MARCHF10: variants seen among roughly 807,000 people sequenced by gnomAD.
The protein encoded by MARCHF10 is membrane associated ring-CH-type finger 10.
A neutral mutation model predicts 76.2 loss-of-function variants in MARCHF10; 64 were observed. That is an observed-to-expected ratio of 0.84 (90% CI 0.69 to 1.03). MARCHF10 has a LOEUF of 1.03. MARCHF10 is among the 50% of genes least tolerant of loss of function. MARCHF10 has a pLI of 0.00. For missense variants in MARCHF10, 875 were observed against 958.0 expected (o/e 0.91, Z 1.14); for synonymous variants, 340 against 357.5 (o/e 0.95, Z 0.55).
At chr17:62,733,608 T>C (rs1266092013) in intron 6 of MARCHF10, among the ~76,000 whole-genome samples, 7 of 152,146 alleles carry the variant, frequency 4.6e-5, no homozygotes, top group African/African-American at 1.7e-4. Context: ...CCCAGAGAAC[T>C]CTTCCACACG....
intron 5 of MARCHF10, chr17:62,737,713 C>A: frequency 5.0e-6 from 1 of 198,970 alleles, no homozygotes; most frequent in South Asian, 1.1e-4. Flanking sequence ...ATGACTTCTA[C>A]AAAAACCACC....
chr17:62,735,106 T>C (rs2091203981), intron 6 of MARCHF10: 1 of 152,240 alleles, frequency 6.6e-6, no homozygotes, highest in African/African-American at 2.4e-5. Flanking sequence ...CATTTTCCTC[T>C]CGTTTTTACC....
In MARCHF10 at chr17:62,736,528, G is replaced by A. The variant is rs773693354; in HGVS notation, c.1340C>T (p.Ser447Phe). 6.2e-7 allele frequency: 1 copy of A among 1,614,186 alleles called. No individual in the cohort carries two copies. The highest frequency in any genetic ancestry group is 8.5e-7 in the Non-Finnish European group (1 of 1,180,032). The change falls in exon 6 of 11, where the codon TCT (serine) becomes TTT (phenylalanine). Residue 447 changes from serine (S) to phenylalanine (F), a missense_variant. Ser to Phe is a radical substitution (Grantham distance 155, BLOSUM62 -2). Transcript: ENST00000311269. ...EGYWKDYLNS[S>F]QNSLDYFISG... ...AATAAAGTAGTCAAGAGAATTTTGA[G>A]AACTGTTTAAATAGTCTTTCCAGTA...
At chr17:62,742,176 C>A (rs1049002080) in intron 5 of MARCHF10, among the ~76,000 whole-genome samples, 1 of 151,750 alleles carries the variant, frequency 6.6e-6, no homozygotes, top group Non-Finnish European at 1.5e-5. Flanking sequence ...TGTGCCACCA[C>A]GCCCAGCTAA....
intron 4 of MARCHF10, chr17:62,747,079 C>G: frequency 1.3e-6 from 1 of 792,656 alleles, no homozygotes; most frequent in African/African-American, 1.7e-5. Flanking sequence ...CTCCAACTAG[C>G]CTGCACGCTC....
intron 6 of MARCHF10, chr17:62,735,085 A>G (rs2091203322): frequency 6.6e-6 from 1 of 152,236 alleles, no homozygotes; most frequent in Non-Finnish European, 1.5e-5. Flanking sequence ...ACAGGTATGC[A>G]TTCTATGTTC....
At chr17:62,756,980 G>A (rs1234736370) in intron 4 of MARCHF10, among the ~76,000 whole-genome samples, 2 of 152,154 alleles carry the variant, frequency 1.3e-5, no homozygotes, top group African/African-American at 2.4e-5. Flanking sequence ...TTACAAATCT[G>A]TTTGTAGAGG....
At chr17:62,805,696 G>A (rs1189588954) in intron 1 of MARCHF10, among the ~76,000 whole-genome samples, 4 of 152,124 alleles carry the variant, frequency 2.6e-5, no homozygotes, top group Admixed American at 2.6e-4. Flanking sequence ...TGGATCACTT[G>A]AGGTCAGGAG....
chr17:62,779,986 A>C (rs2092626859), intron 3 of MARCHF10, among the ~76,000 whole-genome samples: 1 of 152,188 alleles, frequency 6.6e-6, no homozygotes, highest in South Asian at 2.1e-4. Flanking sequence ...AATCCCAGCT[A>C]TGCGGGAGGC....
intron 3 of MARCHF10, among the ~76,000 whole-genome samples, chr17:62,763,434 T>C (rs1488427966): frequency 6.6e-6 from 1 of 152,228 alleles, no homozygotes; most frequent in Admixed American, 6.5e-5. Flanking sequence ...TAAGAAAATA[T>C]GGTGCAATGG....
Position 62,711,406 on chromosome 17 carries a change from G to A in MARCHF10, c.2215-62C>T. 1 of 1,499,468 alleles carries A rather than the reference G, an allele frequency of 6.7e-7. No homozygotes were observed. The highest frequency in any genetic ancestry group is 9.2e-7 in the Non-Finnish European group (1 of 1,081,306). The allele number at this position is 1,499,468 out of a possible 1,614,324, so 92.9% of individuals were successfully genotyped here. The stretch of plus-strand genomic sequence containing the variant: ...AAAATAGTCATGGTCTAAATTGTGG[G>A]ATGCAGGGTAACAAGGCTAAGAGGT... On this transcript the variant is annotated intron_variant, in intron 8 of 10. Coordinates refer to ENST00000311269, the MANE Select transcript of MARCHF10 (RefSeq NM_152598.4). The surrounding 1 kb of genome is among the most constrained non-coding windows in gnomAD (Gnocchi z 4.4).
chr17:62,741,673 A>G (rs2091508734), intron 5 of MARCHF10, among the ~76,000 whole-genome samples: 1 of 152,150 alleles, frequency 6.6e-6, no homozygotes, highest in South Asian at 2.1e-4. Context: ...CTTTAAAAAA[A>G]TGTTTATTAG....
chr17:62,729,909 T>C (rs1039262813), intron 6 of MARCHF10, among the ~76,000 whole-genome samples: 3 of 152,214 alleles, frequency 2.0e-5, no homozygotes, highest in African/African-American at 7.2e-5. Context: ...ATCAGCCGGG[T>C]GCAGTGGCTC....
intron 7 of MARCHF10, among the ~76,000 whole-genome samples, chr17:62,723,628 G>A (rs371953728): frequency 5.1e-5 from 7 of 137,870 alleles, no homozygotes; most frequent in South Asian, 4.5e-4. Context: ...TGAGTCTTCC[G>A]ATCGAATCCT....
At chr17:62,732,810 C>T (rs139000891) in intron 6 of MARCHF10, among the ~76,000 whole-genome samples, 2,281 of 150,302 alleles carry the variant, frequency 0.015, 72 homozygotes, top group African/African-American at 0.053. Flanking sequence ...CTGGCCAACC[C>T]GGTGAAACCC....
intron 6 of MARCHF10, among the ~76,000 whole-genome samples, chr17:62,727,870 G>A (rs1011132271): frequency 1.3e-5 from 2 of 152,208 alleles, no homozygotes; most frequent in Admixed American, 1.3e-4. Flanking sequence ...CCAATGCAGG[G>A]GATGGGGCAA....
At chr17:62,760,051 C>A in intron 3 of MARCHF10, 45 bp from the exon 4 acceptor site, 3 of 1,552,820 alleles carry the variant, frequency 1.9e-6, no homozygotes, top group South Asian at 2.3e-5. Flanking sequence ...CCAAGTAGGT[C>A]AACTTTGTTA....
chr17:62,729,718 CAT>C (rs1409884520), intron 6 of MARCHF10, among the ~76,000 whole-genome samples: 1 of 151,884 alleles, frequency 6.6e-6, no homozygotes, highest in African/African-American at 2.4e-5. Context: ...GGACTACAGA[CAT>C]GTGTCATTAC....
intron 1 of MARCHF10, among the ~76,000 whole-genome samples, chr17:62,803,917 A>G (rs2093121365): frequency 6.6e-6 from 1 of 152,180 alleles, no homozygotes; most frequent in Non-Finnish European, 1.5e-5. Context: ...TGAGGCCAGC[A>G]CTAGATCTCT....
Sources: allele counts gnomAD v4.1 joint callset (sites outside exome capture counted in the v4.1 genomes callset), GRCh38; gene constraint gnomAD v4.1.1; non-coding constraint Gnocchi (gnomAD v3.1); transcripts MANE v1.5; gene names NCBI Gene and HGNC (gene_info 2026-07-23, HGNC 2026-07-21).